LMBR1: variants seen among roughly 807,000 people sequenced by gnomAD.
The protein encoded by LMBR1 is limb development membrane protein 1.
In LMBR1, 52 loss-of-function variants were observed where a neutral mutation model predicts 73.9. That is an observed-to-expected ratio of 0.70 (90% CI 0.56 to 0.89). The LOEUF (loss-of-function observed/expected upper bound fraction) is 0.89. Among genes scored for constraint, LMBR1 ranks in the 40% least tolerant of loss-of-function variants. LMBR1 has a pLI of 0.00. For synonymous variants in LMBR1, 215 were observed against 209.4 expected (o/e 1.03, Z -0.23); for missense variants, 539 against 579.8 (o/e 0.93, Z 0.72).
chr7:156,775,331 G>A (rs10231123), intron 5 of LMBR1, among the ~76,000 whole-genome samples: 9,139 of 152,244 alleles, frequency 0.06, 370 homozygotes, highest in East Asian at 0.15. Flanking sequence ...TCAAGCCACT[G>A]CAATCCAGCC....
intron 15 of LMBR1, among the ~76,000 whole-genome samples, chr7:156,702,960 T>C (rs924455926): frequency 6.6e-6 from 1 of 152,244 alleles, no homozygotes; most frequent in African/African-American, 2.4e-5. Context: ...GCAGCCCATG[T>C]GGCCTGGGGC....
intron 4 of LMBR1, chr7:156,824,071 C>G (rs1374445783): frequency 6.6e-6 from 1 of 151,138 alleles, no homozygotes; most frequent in Non-Finnish European, 1.5e-5. Flanking sequence ...GCCTGGGTGA[C>G]AGAGAGAGAC....
At chr7:156,749,851 C>A (rs1585543161) in intron 9 of LMBR1, among the ~76,000 whole-genome samples, 1 of 152,004 alleles carries the variant, frequency 6.6e-6, no homozygotes, top group Non-Finnish European at 1.5e-5. Flanking sequence ...CACCACACCC[C>A]CTAATTTTTG....
chr7:156,889,334 C>A (rs2134608497), intron 1 of LMBR1, among the ~76,000 whole-genome samples: 1 of 150,696 alleles, frequency 6.6e-6, no homozygotes, highest in East Asian at 2.0e-4. Flanking sequence ...CGCCACTGAA[C>A]TGTATATTTA....
At chr7:156,779,803 A>G (rs554586800) in intron 5 of LMBR1, 6 of 570,696 alleles carry the variant, frequency 1.1e-5, no homozygotes, top group East Asian at 7.0e-5. Flanking sequence ...AAACTTCTAC[A>G]TTCACAGAAC....
intron 1 of LMBR1, among the ~76,000 whole-genome samples, chr7:156,865,934 C>T (rs1798385805): frequency 6.6e-6 from 1 of 151,866 alleles, no homozygotes; most frequent in Non-Finnish European, 1.5e-5. Flanking sequence ...CAATAATTAA[C>T]TGAAAATGGA....
At chr7:156,789,502 T>C (rs1828811063) in intron 5 of LMBR1, among the ~76,000 whole-genome samples, 1 of 152,228 alleles carries the variant, frequency 6.6e-6, no homozygotes, top group South Asian at 2.1e-4. Context: ...AACTTCTATT[T>C]CTGGTATACT....
intron 9 of LMBR1, among the ~76,000 whole-genome samples, chr7:156,739,112 G>A (rs1002231427): frequency 1.3e-5 from 2 of 151,538 alleles, no homozygotes; most frequent in African/African-American, 4.9e-5. Context: ...TGTAGGGTGA[G>A]TCCCAGGCCT....
chr7:156,675,667 G>C, downstream of LMBR1: 1 of 1,599,708 alleles, frequency 6.3e-7, no homozygotes, highest in South Asian at 1.1e-5. Flanking sequence ...GCTCAGGTGT[G>C]AGCTTACCCG....
intron 1 of LMBR1, among the ~76,000 whole-genome samples, chr7:156,853,238 G>A (rs112313868): frequency 0.028 from 4,264 of 151,970 alleles, 208 homozygotes; most frequent in African/African-American, 0.097. Context: ...GCACCCGGCC[G>A]AATAATGCTT....
rs555183606 is a variant in LMBR1, at chr7:156,710,216, T to C, written c.1225+13896A>G. On this transcript the variant is annotated intron_variant, in intron 15 of 16. Coordinates refer to ENST00000353442, the MANE Select transcript of LMBR1 (RefSeq NM_022458.4). ...CACCGTGCCCGGCCCAGAAGGTTGATTATTAAGCTACTCAAGGAGATACAA... is the reference window on the plus strand; with the variant it reads ...CACCGTGCCCGGCCCAGAAGGTTGACTATTAAGCTACTCAAGGAGATACAA... Among the ~76,000 whole-genome samples the C allele has an allele frequency of 4.6e-5, 7 of 152,186 alleles. No individual in the cohort carries two copies. The South Asian group carries it at 1.5e-3, about 32-fold the overall frequency.
rs1332945425 is a variant in LMBR1, at chr7:156,678,703, C to T, written c.*5375G>A. 3 of 152,172 alleles carry T rather than the reference C, an allele frequency of 2.0e-5. No homozygotes were observed. In the East Asian group the frequency reaches 5.8e-4, roughly 29 times the overall value. 9.4% of individuals were successfully genotyped at this position (152,172 alleles called of 1,614,324 possible). A position where few individuals can be genotyped will look rare whatever the true frequency, so the allele number is the denominator to read the frequency against. On this transcript the variant is annotated 3_prime_UTR_variant, in exon 17 of 17. Transcript: ENST00000353442. ...CTCATTGTGTCTTCCTGGTCAGCTA[C>T]AGCAGTCCCTACGGGATGTGGCCAT... is the stretch of plus-strand genomic sequence containing the variant.
At position 156,685,141 on chromosome 7, in the gene LMBR1, A is replaced by C. The variant is rs1328163382; in HGVS notation, c.1388-978T>G. Among the ~76,000 whole-genome samples, 1 of 152,330 alleles carries C rather than the reference A, an allele frequency of 6.6e-6. No homozygotes were observed. The highest frequency in any genetic ancestry group is 2.1e-4 in the South Asian group (1 of 4,824). ...ATATCTCACTACCCAAAGGTATTTC[A>C]CAGAATAAAAAACTATCACTATCTT... On this transcript the variant is annotated intron_variant, in intron 16 of 16. Transcript: ENST00000353442. The surrounding 1 kb of genome is among the most constrained non-coding windows in gnomAD (Gnocchi z 4.1).
At chr7:156,723,472 A>ACATT (rs1815050429) in intron 15 of LMBR1, among the ~76,000 whole-genome samples, 2 of 152,198 alleles carry the variant, frequency 1.3e-5, no homozygotes, top group Non-Finnish European at 2.9e-5. Context: ...AACTCAGAAT[A>ACATT]TGGTCTACAA....
At chr7:156,870,605 A>C (rs952987563) in intron 1 of LMBR1, among the ~76,000 whole-genome samples, 1 of 152,136 alleles carries the variant, frequency 6.6e-6, no homozygotes, top group African/African-American at 2.4e-5. Context: ...CTCTACTAAA[A>C]ATACAAAAAA....
intron 3 of LMBR1, 51 bp from the exon 4 acceptor site, chr7:156,826,795 A>G: frequency 6.6e-7 from 1 of 1,517,266 alleles, no homozygotes; most frequent in Non-Finnish European, 8.9e-7. Context: ...AGCAATGAAC[A>G]CGAAAGTCAT....
chr7:156,801,210 C>A (rs1201695401), intron 4 of LMBR1, among the ~76,000 whole-genome samples: 1 of 152,128 alleles, frequency 6.6e-6, no homozygotes, highest in Non-Finnish European at 1.5e-5. Context: ...ATCAATATGG[C>A]AAACTACACT....
At chr7:156,834,898 T>C (rs1837326081) in intron 2 of LMBR1, among the ~76,000 whole-genome samples, 1 of 151,776 alleles carries the variant, frequency 6.6e-6, no homozygotes, top group African/African-American at 2.4e-5. Context: ...TTCCAACACT[T>C]TGGGAGGCAG....
chr7:156,717,115 C>A (rs779687730), intron 15 of LMBR1, among the ~76,000 whole-genome samples: 1 of 152,046 alleles, frequency 6.6e-6, no homozygotes, highest in African/African-American at 2.4e-5. Flanking sequence ...TGCACTCCAG[C>A]CTGGACAACA....
Sources: allele counts gnomAD v4.1 joint callset (sites outside exome capture counted in the v4.1 genomes callset), GRCh38; gene constraint gnomAD v4.1.1; non-coding constraint Gnocchi (gnomAD v3.1); transcripts MANE v1.5; gene names NCBI Gene and HGNC (gene_info 2026-07-23, HGNC 2026-07-21).